The following MYO18B variants were observed in gnomAD, a reference collection of about 807,000 sequenced individuals.
The protein encoded by MYO18B is myosin XVIIIB.
MYO18B carries 204 observed loss-of-function variants against 273.0 expected under a neutral mutation model. The ratio of observed to expected loss-of-function variants is 0.75; its 90% CI spans 0.67 to 0.84. The LOEUF (loss-of-function observed/expected upper bound fraction) is 0.84, where lower values mean the gene tolerates loss of function less well. MYO18B is among the 40% of genes least tolerant of loss of function. The probability of loss-of-function intolerance (pLI) is 0.00; values close to 1 mark genes in which losing one functional copy is unlikely to be tolerated. For synonymous variants in MYO18B, 1,330 were observed against 1,305.7 expected (o/e 1.02, Z -0.40); for missense variants, 3,212 against 3,287.6 (o/e 0.98, Z 0.56).
chr22:25,773,384 C>T (rs1036661484), intron 7 of MYO18B, among the ~76,000 whole-genome samples: 1 of 152,096 alleles, frequency 6.6e-6, no homozygotes, highest in Non-Finnish European at 1.5e-5. Context: ...TTGGGAAAAA[C>T]CAGGACAGAG....
chr22:25,785,592 T>A (rs2087349760), intron 11 of MYO18B, 101 bp downstream of exon 11: 2 of 1,272,696 alleles, frequency 1.6e-6, no homozygotes, highest in Non-Finnish European at 1.1e-6. Context: ...GGTACTGGGG[T>A]TCATAGTTGG....
chr22:25,903,178 G>A (rs1569172153), intron 30 of MYO18B: 1 of 197,410 alleles, frequency 5.1e-6, no homozygotes, highest in South Asian at 9.9e-5. Flanking sequence ...TTAGCCTGGC[G>A]TTCAACTCCT....
chr22:25,922,804 G>A (rs1001309821), intron 34 of MYO18B, among the ~76,000 whole-genome samples: 4 of 152,156 alleles, frequency 2.6e-5, no homozygotes, highest in African/African-American at 7.2e-5. Context: ...CCACAGCTTC[G>A]GCTGCTTCCA....
chr22:25,762,383 C>T (rs1006438675), intron 2 of MYO18B, among the ~76,000 whole-genome samples: 4 of 152,252 alleles, frequency 2.6e-5, no homozygotes, highest in Non-Finnish European at 5.9e-5. Flanking sequence ...TATTTTAGAC[C>T]AGTATGGAGC....
At chr22:26,005,747 C>A (rs529539825) in intron 42 of MYO18B, among the ~76,000 whole-genome samples, 2 of 152,144 alleles carry the variant, frequency 1.3e-5, no homozygotes, top group Non-Finnish European at 2.9e-5. Flanking sequence ...CCCAGACAAC[C>A]GCTTCCTGAC....
At chr22:25,827,205 G>T (rs1391056363) in intron 14 of MYO18B, among the ~76,000 whole-genome samples, 1 of 152,168 alleles carries the variant, frequency 6.6e-6, no homozygotes, top group Non-Finnish European at 1.5e-5. Context: ...ACTCACATGG[G>T]CCCATTGTAC....
chr22:25,939,370 C>G (rs765750237), intron 34 of MYO18B, among the ~76,000 whole-genome samples: 1 of 152,248 alleles, frequency 6.6e-6, no homozygotes. Flanking sequence ...CTTTAAGATA[C>G]AACAGCAGCT....
At chr22:25,812,631 G>A (rs1299942436) in intron 12 of MYO18B, among the ~76,000 whole-genome samples, 1 of 152,200 alleles carries the variant, frequency 6.6e-6, no homozygotes, top group Non-Finnish European at 1.5e-5. Flanking sequence ...CCTTGGACAA[G>A]CAAGTTCAGC....
At chr22:26,044,568 A>T in the MYO18B span, among the ~76,000 whole-genome samples, 2 of 152,274 alleles carry the variant, frequency 1.3e-5, no homozygotes, top group African/African-American at 2.4e-5. Context: ...TGTGAAGAAG[A>T]TACAAACATT....
rs878997700 is a variant in MYO18B at position 25,908,310 on chromosome 22, C to T, written c.5149-12C>T. ...GGGTCACCCTCACGTGCTGTCCTTG[C>T]TGCCCCCGCAGCTCCGCCAGCGGTT... On this transcript the variant is annotated splice_polypyrimidine_tract_variant and intron_variant, in intron 31 of 43. Coordinates refer to ENST00000335473, the MANE Select transcript of MYO18B (RefSeq NM_032608.7). The T allele has an allele frequency of 1.3e-6, 2 of 1,564,524 alleles. No homozygotes were observed. Among genetic ancestry groups the T allele is most frequent in the South Asian group, 2.4e-5 (2 of 84,708 alleles).
At chr22:25,990,950 G>T (rs1211056491) in intron 39 of MYO18B, among the ~76,000 whole-genome samples, 1 of 151,956 alleles carries the variant, frequency 6.6e-6, no homozygotes, top group Non-Finnish European at 1.5e-5. Context: ...CTATAACCCC[G>T]CTTTGCCCCA....
intron 38 of MYO18B, among the ~76,000 whole-genome samples, chr22:25,954,702 G>C (rs906620994): frequency 2.6e-5 from 4 of 152,062 alleles, no homozygotes; most frequent in Admixed American, 1.3e-4. Flanking sequence ...CAGAATAGCA[G>C]TTATTTTATT....
At chr22:25,910,444 T>A (rs188280743) in intron 32 of MYO18B, among the ~76,000 whole-genome samples, 2 of 152,302 alleles carry the variant, frequency 1.3e-5, no homozygotes, top group East Asian at 3.9e-4. Flanking sequence ...CACCTCCAGA[T>A]ACCACTGCAC....
At chr22:25,864,639 G>A (rs12169347) in intron 21 of MYO18B, among the ~76,000 whole-genome samples, 6,883 of 152,240 alleles carry the variant, frequency 0.045, 198 homozygotes, top group African/African-American at 0.078. Flanking sequence ...TCCTAAACAC[G>A]TGAGCTTTGC....
intron 39 of MYO18B, among the ~76,000 whole-genome samples, chr22:25,991,202 C>G (rs537030076): frequency 3.3e-5 from 5 of 152,320 alleles, no homozygotes; most frequent in Non-Finnish European, 7.3e-5. Context: ...AGTAGCACTG[C>G]TGCAAACATC....
intron 23 of MYO18B, among the ~76,000 whole-genome samples, chr22:25,875,191 G>T (rs1363422584): frequency 6.6e-6 from 1 of 152,212 alleles, no homozygotes; most frequent in African/African-American, 2.4e-5. Context: ...ACCTTGGAAT[G>T]ATGTGGAATA....
At chr22:25,816,874 C>T (rs993145663) in intron 12 of MYO18B, among the ~76,000 whole-genome samples, 1 of 152,142 alleles carries the variant, frequency 6.6e-6, no homozygotes, top group Non-Finnish European at 1.5e-5. Context: ...TCCTCACAGG[C>T]CTCCGAATTG....
At chr22:25,890,314 C>A (rs1322304122) in intron 25 of MYO18B, among the ~76,000 whole-genome samples, 1 of 152,162 alleles carries the variant, frequency 6.6e-6, no homozygotes, top group Non-Finnish European at 1.5e-5. Flanking sequence ...CAGTGGGCAT[C>A]CATCAGTGTG....
chr22:25,870,530 T>C (rs1385939167), intron 22 of MYO18B, among the ~76,000 whole-genome samples: 1 of 152,216 alleles, frequency 6.6e-6, no homozygotes, highest in African/African-American at 2.4e-5. Context: ...CGCTGTTGTG[T>C]ATGCGTCTAT....
Sources: allele counts gnomAD v4.1 joint callset (sites outside exome capture counted in the v4.1 genomes callset), GRCh38; gene constraint gnomAD v4.1.1; transcripts MANE v1.5; gene names NCBI Gene and HGNC (gene_info 2026-07-23, HGNC 2026-07-21).